Variants in ROBO2 observed in about 807,000 individuals in gnomAD.
ROBO2 encodes roundabout guidance receptor 2.
ROBO2 carries 53 observed loss-of-function variants against 160.8 expected under a neutral mutation model. That is an observed-to-expected ratio of 0.33 (90% CI 0.26 to 0.41). ROBO2 has a LOEUF of 0.41. Ranked by LOEUF, ROBO2 falls within the 10% of genes least tolerant of loss-of-function variation. The pLI is 1.00. For synonymous variants in ROBO2, 664 were observed against 611.7 expected (o/e 1.09, Z -1.26); for missense variants, 1,577 against 1,722.4 (o/e 0.92, Z 1.49).
At chr3:76,485,631 T>A (rs1158191332) in intron 2 of ROBO2, among the ~76,000 whole-genome samples, 2 of 152,174 alleles carry the variant, frequency 1.3e-5, no homozygotes, top group Non-Finnish European at 2.9e-5. Context: ...TGTCACCTGT[T>A]TTTTTCAGAG....
chr3:77,060,054 A>C (rs1311583307), intron 1 of ROBO2, among the ~76,000 whole-genome samples: 1 of 152,234 alleles, frequency 6.6e-6, no homozygotes, highest in African/African-American at 2.4e-5. Context: ...TAAAAGAAAA[A>C]TAAAGACCAA....
chr3:76,571,068 G>A (rs1320430522), intron 2 of ROBO2, among the ~76,000 whole-genome samples: 1 of 152,124 alleles, frequency 6.6e-6, no homozygotes, highest in South Asian at 2.1e-4. Flanking sequence ...TTGCACAGGT[G>A]ATATGAAATT....
intron 2 of ROBO2, among the ~76,000 whole-genome samples, chr3:77,449,051 A>T (rs1442400359): frequency 6.6e-6 from 1 of 152,140 alleles, no homozygotes; most frequent in Non-Finnish European, 1.5e-5. Flanking sequence ...AAAGAAAGGT[A>T]AACATTTCTA....
At chr3:76,588,970 A>G (rs2086236508) in intron 2 of ROBO2, among the ~76,000 whole-genome samples, 1 of 152,198 alleles carries the variant, frequency 6.6e-6, no homozygotes, top group Admixed American at 6.5e-5. Flanking sequence ...TTAGGGAAAT[A>G]AATATTCTCA....
intron 2 of ROBO2, among the ~76,000 whole-genome samples, chr3:76,620,030 A>T (rs985216394): frequency 2.6e-5 from 4 of 152,178 alleles, no homozygotes; most frequent in African/African-American, 9.7e-5. Context: ...GGGAAATTGA[A>T]CATTTAAATA....
chr3:77,154,940 GATTA>G (rs1323883267), intron 2 of ROBO2, among the ~76,000 whole-genome samples: 1 of 151,790 alleles, frequency 6.6e-6, no homozygotes, highest in African/African-American at 2.4e-5. Context: ...TGAGTGATGG[GATTA>G]TTTGTACTCC....
intron 2 of ROBO2, among the ~76,000 whole-genome samples, chr3:76,884,405 G>C (rs913120823): frequency 1.8e-4 from 27 of 152,206 alleles, no homozygotes; most frequent in African/African-American, 6.3e-4. Flanking sequence ...GACAGTCCCT[G>C]TTCTCACAGA....
At chr3:77,477,767 GA>G in intron 3 of ROBO2, among the ~76,000 whole-genome samples, 196 bp downstream of exon 3, 1 of 149,074 alleles carries the variant, frequency 6.7e-6, no homozygotes, top group East Asian at 2.0e-4. Context: ...AAGTGTACAT[GA>G]AATATTAATA....
chr3:76,880,743 T>C (rs1256955428), intron 2 of ROBO2, among the ~76,000 whole-genome samples: 1 of 152,158 alleles, frequency 6.6e-6, no homozygotes, highest in Non-Finnish European at 1.5e-5. Flanking sequence ...AGTAAAAGGT[T>C]CATTCTTGAT....
intron 2 of ROBO2, among the ~76,000 whole-genome samples, chr3:76,526,858 CT>C (rs1278884730): frequency 1.3e-5 from 2 of 151,946 alleles, no homozygotes; most frequent in African/African-American, 2.4e-5. Flanking sequence ...AATATGTCAC[CT>C]TTTGATTAGT....
chr3:75,912,876 T>A (rs897454209), intron 1 of ROBO2, among the ~76,000 whole-genome samples: 5 of 152,218 alleles, frequency 3.3e-5, no homozygotes, highest in Non-Finnish European at 7.3e-5. Flanking sequence ...CTTAAGTTTG[T>A]CACTATTGCA....
chr3:77,636,347 A>G (rs536694638), intron 24 of ROBO2, among the ~76,000 whole-genome samples: 5 of 152,176 alleles, frequency 3.3e-5, no homozygotes, highest in African/African-American at 1.2e-4. Flanking sequence ...TAATCCCAGC[A>G]CTGTAGGAGG....
intron 2 of ROBO2, among the ~76,000 whole-genome samples, chr3:76,512,745 A>G (rs1404312780): frequency 2.0e-5 from 3 of 152,192 alleles, no homozygotes; most frequent in African/African-American, 7.2e-5. Flanking sequence ...ATAAATGGAT[A>G]TGAAATATAA....
At chr3:76,012,867 C>T (rs201378163) in intron 2 of ROBO2, among the ~76,000 whole-genome samples, 7 of 121,294 alleles carry the variant, frequency 5.8e-5, no homozygotes, top group Non-Finnish European at 8.0e-5. Context: ...GGCACGGTGG[C>T]TTATGCATGT....
intron 2 of ROBO2, among the ~76,000 whole-genome samples, chr3:75,992,209 G>A (rs2065593231): frequency 6.6e-6 from 1 of 152,100 alleles, no homozygotes; most frequent in Non-Finnish European, 1.5e-5. Flanking sequence ...TGTCTCTAGG[G>A]CATATGAAAG....
chr3:76,814,484 G>C (rs2065489392), intron 2 of ROBO2, among the ~76,000 whole-genome samples: 1 of 152,096 alleles, frequency 6.6e-6, no homozygotes. Flanking sequence ...ATCAATTTCT[G>C]TGATAAGTTA....
At chr3:76,445,102 G>C (rs925878795) in intron 2 of ROBO2, among the ~76,000 whole-genome samples, 7 of 152,144 alleles carry the variant, frequency 4.6e-5, no homozygotes, top group African/African-American at 1.7e-4. Context: ...ACCGACTACA[G>C]TTTACTAGCA....
intron 2 of ROBO2, among the ~76,000 whole-genome samples, chr3:76,870,183 G>A (rs569087247): frequency 6.6e-6 from 1 of 152,284 alleles, no homozygotes; most frequent in East Asian, 1.9e-4. Flanking sequence ...AGATGTTTGA[G>A]TTGTAATAAT....
chr3:75,937,485 T>G, exon 2 of ROBO2: 2 of 1,543,686 alleles, frequency 1.3e-6, no homozygotes, highest in Non-Finnish European at 1.7e-6. Context: ...ATGCAGAGTT[T>G]AAGATGCAAT....
Sources: gnomAD v4.1 joint callset for allele counts (sites outside exome capture counted in the v4.1 genomes callset) on GRCh38, gnomAD v4.1.1 for gene constraint, MANE v1.5 for transcripts, NCBI Gene and HGNC (gene_info 2026-07-23, HGNC 2026-07-21) for gene names.